The following UNC13C variants were observed in gnomAD, a reference collection of about 807,000 sequenced individuals.
UNC13C encodes unc-13 homolog C, also known as protein unc-13 homolog C.
UNC13C carries 174 observed loss-of-function variants against 245.4 expected under a neutral mutation model. The ratio of observed to expected loss-of-function variants is 0.71; its 90% CI spans 0.63 to 0.80. The LOEUF (loss-of-function observed/expected upper bound fraction) is 0.80, where lower values mean the gene tolerates loss of function less well. Ranked by LOEUF, UNC13C falls within the 30% of genes least tolerant of loss-of-function variation. The probability of loss-of-function intolerance (pLI) is 0.00; values close to 1 mark genes in which losing one functional copy is unlikely to be tolerated. For missense variants in UNC13C, 2,829 were observed against 2,602.9 expected, an observed-to-expected ratio of 1.09 and a Z score of -1.89; for synonymous variants, 992 against 895.1, an observed-to-expected ratio of 1.11 and a Z score of -1.93.
At chr15:54,136,347 G>T (rs1281495617) in intron 2 of UNC13C, among the ~76,000 whole-genome samples, 1 of 151,634 alleles carries the variant, frequency 6.6e-6, no homozygotes, top group Non-Finnish European at 1.5e-5. Context: ...TTGCCATGTT[G>T]CCCACTGTTT....
intron 2 of UNC13C, among the ~76,000 whole-genome samples, chr15:54,042,281 A>T (rs1234487589): frequency 1.3e-5 from 2 of 152,248 alleles, no homozygotes. Flanking sequence ...GAAAATACAT[A>T]GGGATTTATC....
At chr15:54,363,349 T>C (rs2039281201) in intron 17 of UNC13C, among the ~76,000 whole-genome samples, 1 of 152,210 alleles carries the variant, frequency 6.6e-6, no homozygotes, top group Admixed American at 6.5e-5. Context: ...CCTCAGGTGA[T>C]CTGCCCACCT....
chr15:54,224,551 A>T (rs780892776), intron 4 of UNC13C, among the ~76,000 whole-genome samples: 3 of 151,984 alleles, frequency 2.0e-5, no homozygotes, highest in Non-Finnish European at 4.4e-5. Flanking sequence ...TGTTAAGGAT[A>T]TTTGCATCAA....
At chr15:54,067,675 A>G (rs1286575748) in intron 2 of UNC13C, among the ~76,000 whole-genome samples, 1 of 152,194 alleles carries the variant, frequency 6.6e-6, no homozygotes, top group African/African-American at 2.4e-5. Flanking sequence ...AATGAACTAA[A>G]TATTTGTATC....
chr15:54,599,158 C>A (rs1899259214), intron 30 of UNC13C, among the ~76,000 whole-genome samples: 1 of 152,000 alleles, frequency 6.6e-6, no homozygotes, highest in African/African-American at 2.4e-5. Flanking sequence ...TCTGGTCACA[C>A]ATATATAGGT....
At chr15:54,249,228 G>A (rs62010055) in intron 7 of UNC13C, among the ~76,000 whole-genome samples, 22,277 of 129,230 alleles carry the variant, frequency 0.17, 1,722 homozygotes, top group African/African-American at 0.24. Context: ...ATTGTTGTTG[G>A]TGGTTTGTTT....
chr15:54,552,303 T>G (rs1362584289), intron 28 of UNC13C, among the ~76,000 whole-genome samples: 1 of 129,134 alleles, frequency 7.7e-6, no homozygotes, highest in African/African-American at 2.9e-5. Context: ...AATTATATTG[T>G]ACAATATATA....
intron 14 of UNC13C, among the ~76,000 whole-genome samples, chr15:54,327,184 T>A (rs2140987957): frequency 6.6e-6 from 1 of 152,134 alleles, no homozygotes; most frequent in South Asian, 2.1e-4. Flanking sequence ...TATCTTGAAA[T>A]ACAAATATCA....
chr15:54,421,371 A>C (rs923640334), intron 19 of UNC13C, among the ~76,000 whole-genome samples: 7 of 152,076 alleles, frequency 4.6e-5, no homozygotes, highest in African/African-American at 1.7e-4. Context: ...ATTCTCCCAA[A>C]GATATGTATA....
rs555855031 is a variant in UNC13C, at chr15:54,582,347, G to A, written c.6106+14400G>A. Among the ~76,000 whole-genome samples, 53 of 152,250 alleles carry A rather than the reference G, an allele frequency of 3.5e-4. 1 individual carries two copies. The South Asian group carries it at 3.5e-3, about 10-fold the overall frequency. On this transcript the variant is annotated intron_variant, in intron 30 of 32. Transcript: ENST00000260323. ...GGAGCTGATTTGAGGCACAAATTCA[G>A]TTTTATTTATTTGTGCTGATATTAA...
chr15:54,343,228 G>C (rs1383181833), intron 17 of UNC13C, among the ~76,000 whole-genome samples: 1 of 151,844 alleles, frequency 6.6e-6, no homozygotes, highest in Non-Finnish European at 1.5e-5. Flanking sequence ...CCGCCTCTTG[G>C]GTTCAAGTGA....
intron 2 of UNC13C, among the ~76,000 whole-genome samples, chr15:54,034,677 C>T (rs1318883491): frequency 1.3e-5 from 2 of 152,180 alleles, no homozygotes; most frequent in Non-Finnish European, 2.9e-5. Context: ...TGCATGCATA[C>T]TACTGTACAG....
chr15:54,486,352 A>G lies in UNC13C; in HGVS notation c.4934-8256A>G, dbSNP rs1021630249. 6.0e-5 allele frequency among the ~76,000 whole-genome samples: 9 copies of G among 150,658 alleles called. No homozygotes were observed. The Admixed American group carries it at 6.0e-4, about 10-fold the overall frequency. On this transcript the variant is annotated intron_variant, in intron 19 of 32. Transcript: ENST00000260323. Reference sequence around the variant, plus strand: ...CTCCAGAGGCTGAAGCAGGCGAATCACTTGAACCCCCAGGAGGTGGAGGCT... The same window carrying G: ...CTCCAGAGGCTGAAGCAGGCGAATCGCTTGAACCCCCAGGAGGTGGAGGCT...
chr15:54,022,558 G>A (rs537301348), intron 2 of UNC13C, among the ~76,000 whole-genome samples: 2 of 152,236 alleles, frequency 1.3e-5, no homozygotes, highest in South Asian at 2.1e-4. Context: ...TTTGATAAAC[G>A]TCTGCTCAGG....
At position 54,042,078 on chromosome 15, in the gene UNC13C, A is replaced by G. The variant is rs116136491; in HGVS notation, c.2983+26192A>G. Reference sequence around the variant, plus strand: ...ACCAACAAGATGCTGCGATTTTTAAATTTGGGGTGCTTAACTGGCATATAA... The same window carrying G: ...ACCAACAAGATGCTGCGATTTTTAAGTTTGGGGTGCTTAACTGGCATATAA... On this transcript the variant is annotated intron_variant, in intron 2 of 32. Coordinates refer to ENST00000260323, the MANE Select transcript of UNC13C (RefSeq NM_001080534.3). Among the ~76,000 whole-genome samples, 1,063 of 152,258 alleles carry G rather than the reference A, an allele frequency of 7.0e-3. 15 individuals carry two copies. Among genetic ancestry groups the G allele is most frequent in the African/African-American group, 0.025 (1,024 of 41,564 alleles).
At chr15:54,470,053 A>G (rs923367433) in intron 19 of UNC13C, among the ~76,000 whole-genome samples, 3 of 151,656 alleles carry the variant, frequency 2.0e-5, no homozygotes, top group Admixed American at 6.6e-5. Flanking sequence ...TATAACATGA[A>G]TCACATGTAT....
At chr15:54,548,413 G>T (rs1357760405) in intron 27 of UNC13C, among the ~76,000 whole-genome samples, 1 of 151,346 alleles carries the variant, frequency 6.6e-6, no homozygotes, top group Non-Finnish European at 1.5e-5. Flanking sequence ...TAGTAGAGAC[G>T]GGGTTTCACC....
At chr15:54,369,863 G>A (rs2140880752) in intron 17 of UNC13C, among the ~76,000 whole-genome samples, 1 of 152,232 alleles carries the variant, frequency 6.6e-6, no homozygotes, top group African/African-American at 2.4e-5. Context: ...CATCTCGCTT[G>A]TTTCTACTAT....
At chr15:54,261,616 C>T (rs569697571) in intron 8 of UNC13C, among the ~76,000 whole-genome samples, 222 of 152,324 alleles carry the variant, frequency 1.5e-3, no homozygotes, top group Non-Finnish European at 2.3e-3. Flanking sequence ...CATCTGGGCT[C>T]ACTGCAAGCT....
Sources: allele counts gnomAD v4.1 joint callset (sites outside exome capture counted in the v4.1 genomes callset), GRCh38; gene constraint gnomAD v4.1.1; transcripts MANE v1.5; gene names NCBI Gene and HGNC (gene_info 2026-07-23, HGNC 2026-07-21).